The following PDGFD variants were observed in gnomAD, a reference collection of about 807,000 sequenced individuals.
PDGFD encodes the protein platelet-derived growth factor D.
A neutral mutation model predicts 44.7 loss-of-function variants in PDGFD; 30 were observed. The observed-to-expected ratio is 0.67, with a 90% confidence interval of 0.50 to 0.91. The LOEUF (loss-of-function observed/expected upper bound fraction) is 0.91. Ranked by LOEUF, PDGFD falls within the 40% of genes least tolerant of loss-of-function variation. PDGFD has a pLI of 0.00. For missense variants in PDGFD, 445 were observed against 457.8 expected (o/e 0.97, Z 0.25); for synonymous variants, 173 against 168.4 (o/e 1.03, Z -0.21).
At chr11:104,037,520 AG>A in intron 1 of PDGFD, 1 of 1,614,180 alleles carries the variant, frequency 6.2e-7, no homozygotes, top group Non-Finnish European at 8.5e-7. Flanking sequence ...GCGATAGAAG[AG>A]GCCCCCGAGA....
intron 1 of PDGFD, among the ~76,000 whole-genome samples, chr11:104,016,446 G>C (rs1273816793): frequency 1.3e-5 from 2 of 152,212 alleles, no homozygotes; most frequent in South Asian, 2.1e-4. Context: ...GTCTCACTGG[G>C]CAGAATCTGG....
intron 1 of PDGFD, among the ~76,000 whole-genome samples, chr11:104,163,228 A>T (rs1196211099): frequency 6.6e-6 from 1 of 152,174 alleles, no homozygotes; most frequent in Non-Finnish European, 1.5e-5. Flanking sequence ...CTTCAATAGG[A>T]AAGTCACTTA....
intron 1 of PDGFD, among the ~76,000 whole-genome samples, chr11:104,139,097 G>T (rs1158919555): frequency 6.6e-6 from 1 of 152,070 alleles, no homozygotes; most frequent in African/African-American, 2.4e-5. Context: ...ATGGTGCTTT[G>T]AATTTTTTCA....
chr11:104,145,172 G>A (rs1237001552), intron 1 of PDGFD, among the ~76,000 whole-genome samples: 1 of 152,136 alleles, frequency 6.6e-6, no homozygotes, highest in East Asian at 1.9e-4. Flanking sequence ...AAGTGGTAGG[G>A]GCTGGATTTC....
chr11:104,075,017 T>C (rs1860935123), intron 1 of PDGFD, among the ~76,000 whole-genome samples: 1 of 152,194 alleles, frequency 6.6e-6, no homozygotes, highest in South Asian at 2.1e-4. Context: ...AATGCTTTGC[T>C]AAGTAAGAAA....
At chr11:104,084,683 T>C (rs1861095584) in intron 1 of PDGFD, among the ~76,000 whole-genome samples, 1 of 137,922 alleles carries the variant, frequency 7.3e-6, no homozygotes, top group Non-Finnish European at 1.5e-5. Flanking sequence ...GATAAAATAA[T>C]TATATAGTGT....
At chr11:104,052,352 A>G (rs1860553763) in intron 1 of PDGFD, among the ~76,000 whole-genome samples, 1 of 137,992 alleles carries the variant, frequency 7.2e-6, no homozygotes, top group Non-Finnish European at 1.7e-5. Flanking sequence ...AAACTCTTTA[A>G]AAAAGAAGAG....
At chr11:103,910,328 C>A (rs1040106858) in intron 6 of PDGFD, among the ~76,000 whole-genome samples, 2 of 152,182 alleles carry the variant, frequency 1.3e-5, no homozygotes, top group Non-Finnish European at 2.9e-5. Flanking sequence ...ACAGGAACAG[C>A]TCTGGTCTGC....
chr11:104,119,296 T>C (rs1411388869), intron 1 of PDGFD, among the ~76,000 whole-genome samples: 19 of 53,412 alleles, frequency 3.6e-4, no homozygotes, highest in Non-Finnish European at 4.3e-4. Flanking sequence ...ATTGATATAA[T>C]ATATAATATA....
At chr11:104,088,675 C>T (rs1806238340) in intron 1 of PDGFD, among the ~76,000 whole-genome samples, 1 of 152,148 alleles carries the variant, frequency 6.6e-6, no homozygotes, top group African/African-American at 2.4e-5. Context: ...AGGCAGGTAA[C>T]TTTGGAAGGA....
At chr11:104,090,902 A>G (rs1398352273) in intron 1 of PDGFD, among the ~76,000 whole-genome samples, 1 of 152,100 alleles carries the variant, frequency 6.6e-6, no homozygotes, top group African/African-American at 2.4e-5. Flanking sequence ...CAGATCCTGC[A>G]GTAGTCACGG....
rs1201055331 is a variant in PDGFD, at chr11:104,097,541, C to G, written c.124+66263G>C. On this transcript the variant is annotated intron_variant, in intron 1 of 6. Transcript: ENST00000393158. ...AATGCCTGACATACATGAGGTGCTC[C>G]GTAAGTGGTTAGGATCCAGCCCTCA... Among the ~76,000 whole-genome samples, 3 of 152,040 alleles carry G rather than the reference C, an allele frequency of 2.0e-5. No individual in the cohort carries two copies. The East Asian group carries it at 5.8e-4, about 29-fold the overall frequency.
At chr11:104,069,841 C>T (rs182524779) in intron 1 of PDGFD, among the ~76,000 whole-genome samples, 1 of 151,510 alleles carries the variant, frequency 6.6e-6, no homozygotes, top group Non-Finnish European at 1.5e-5. Context: ...GCCTGGGTGA[C>T]AGAGCGAGAC....
Position 104,124,019 on chromosome 11 carries a change from T to C in PDGFD, c.124+39785A>G, listed in dbSNP as rs1021517779. ...TACTGAGTTTATATATATGAAGAAA[T>C]ATATATGATATTGGTGAAATATGGA... On this transcript the variant is annotated intron_variant, in intron 1 of 6. Coordinates refer to ENST00000393158, the MANE Select transcript of PDGFD (RefSeq NM_025208.5). Among the ~76,000 whole-genome samples the C allele has an allele frequency of 4.0e-4, 61 of 151,894 alleles. 1 individual carries two copies. The highest frequency in any genetic ancestry group is 2.0e-4 in the Admixed American group (3 of 15,216).
At chr11:103,964,197 C>T (rs551252221) in intron 3 of PDGFD, among the ~76,000 whole-genome samples, 1 of 152,200 alleles carries the variant, frequency 6.6e-6, no homozygotes, top group Admixed American at 6.5e-5. Flanking sequence ...ACTATCATTG[C>T]TCTTTTTTTT....
chr11:104,038,232 G>T, intron 1 of PDGFD: 1 of 539,624 alleles, frequency 1.9e-6, no homozygotes, highest in Non-Finnish European at 3.3e-6. Flanking sequence ...AGGCATCCTG[G>T]GAAGGCTCTG....
chr11:103,958,190 G>A (rs1432640971), intron 3 of PDGFD, among the ~76,000 whole-genome samples: 2 of 152,132 alleles, frequency 1.3e-5, no homozygotes, highest in Non-Finnish European at 2.9e-5. Context: ...TAAAAGATGA[G>A]GAAGCAGAAA....
intron 1 of PDGFD, chr11:104,037,939 G>T (rs1348595154): frequency 6.2e-7 from 1 of 1,613,958 alleles, no homozygotes; most frequent in African/African-American, 1.3e-5. Context: ...CTCTAGGATG[G>T]TAAGTGGGCA....
At chr11:103,936,264 G>C (rs1488594013) in intron 5 of PDGFD, among the ~76,000 whole-genome samples, 1 of 152,142 alleles carries the variant, frequency 6.6e-6, no homozygotes, top group Non-Finnish European at 1.5e-5. Context: ...CTCATCACTG[G>C]TGTCGGCCAA....
Sources: gnomAD v4.1 joint callset for allele counts (sites outside exome capture counted in the v4.1 genomes callset) on GRCh38, gnomAD v4.1.1 for gene constraint, MANE v1.5 for transcripts, NCBI Gene and HGNC (gene_info 2026-07-23, HGNC 2026-07-21) for gene names.